The following ARPC5L variants were observed in gnomAD, a reference collection of about 807,000 sequenced individuals.
ARPC5L encodes the protein actin related protein 2/3 complex subunit 5 like.
In ARPC5L, 4 loss-of-function variants were observed where a neutral mutation model predicts 16.9. That is an observed-to-expected ratio of 0.24 (90% CI 0.12 to 0.54). ARPC5L has a LOEUF of 0.54. Ranked by LOEUF, ARPC5L falls within the 20% of genes least tolerant of loss-of-function variation. The pLI is 0.95. For synonymous variants in ARPC5L, 78 were observed against 82.6 expected (o/e 0.94, Z 0.30); for missense variants, 151 against 201.9 (o/e 0.75, Z 1.53).
chr9:124,875,013 C>T lies in ARPC5L; in HGVS notation c.261C>T (p.Asn87=). Residue 87 remains asparagine, a synonymous_variant, in exon 5 of 6, where the codon AAC becomes AAT. Coordinates refer to ENST00000353214, the MANE Select transcript of ARPC5L (RefSeq NM_030978.3). ...GCGTGGTGCTGAAAGTGCTCACAAA[C>T]TTCAAGAGCAGTGAGATTGAGCAGG... ...AQGVVLKVLT[N]FKSSEIEQAV... The T allele has an allele frequency of 1.2e-6, 2 of 1,614,016 alleles. No homozygotes were observed. The highest frequency in any genetic ancestry group is 1.7e-6 in the Non-Finnish European group (2 of 1,179,902).
intron 3 of ARPC5L, among the ~76,000 whole-genome samples, chr9:124,870,071 G>C (rs944202410): frequency 1.3e-5 from 2 of 152,206 alleles, no homozygotes; most frequent in Non-Finnish European, 2.9e-5. Context: ...GGGGGACCCT[G>C]TGGTTCCCCT....
intron 5 of ARPC5L, among the ~76,000 whole-genome samples, chr9:124,876,400 G>T (rs1004585233): frequency 5.9e-5 from 9 of 151,944 alleles, no homozygotes; most frequent in African/African-American, 9.7e-5. Context: ...GGCAGGAGAA[G>T]CGCTTGAACT....
At position 124,869,223 on chromosome 9, in the gene ARPC5L, G is replaced by T. The variant is rs1244887671; in HGVS notation, c.-68G>T. The T allele has an allele frequency of 1.4e-6, 2 of 1,380,326 alleles. No individual in the cohort carries two copies. The highest frequency in any genetic ancestry group is 9.4e-7 in the Non-Finnish European group (1 of 1,065,924). 85.5% of individuals were successfully genotyped at this position (1,380,326 alleles called of 1,614,324 possible). On this transcript the variant is annotated 5_prime_UTR_variant, in exon 3 of 6. Coordinates refer to ENST00000353214, the MANE Select transcript of ARPC5L (RefSeq NM_030978.3). ...GCTTCCCGCCCCCGAGCAGGAGCCG[G>T]TGCGAGCGGAGCAGAGCCGAGGTCG...
intron 3 of ARPC5L, among the ~76,000 whole-genome samples, chr9:124,869,718 T>A (rs1203119982): frequency 6.6e-6 from 1 of 152,184 alleles, no homozygotes; most frequent in Non-Finnish European, 1.5e-5. Flanking sequence ...CCCCCGCAGG[T>A]CCCGCGCCCT....
intron 2 of ARPC5L, among the ~76,000 whole-genome samples, chr9:124,866,358 T>C (rs1253858040): frequency 6.6e-6 from 1 of 152,030 alleles, no homozygotes; most frequent in Non-Finnish European, 1.5e-5. Context: ...GAGCTGAGAC[T>C]GTGCCACTGC....
chr9:124,876,969 A>G lies in ARPC5L; in HGVS notation c.*29A>G. 4 of 1,584,126 alleles carry G rather than the reference A, an allele frequency of 2.5e-6. No homozygotes were observed. The highest frequency in any genetic ancestry group is 3.4e-6 in the Non-Finnish European group (4 of 1,161,480). ...AAATAAAAAGACTCATGTTACCTTG[A>G]GAAGAATTCTGGATGCCCAGGCTGG... On this transcript the variant is annotated 3_prime_UTR_variant, in exon 6 of 6. Transcript: ENST00000353214.
At chr9:124,863,056 T>A (rs770177355) in intron 1 of ARPC5L, among the ~76,000 whole-genome samples, 21 of 152,106 alleles carry the variant, frequency 1.4e-4, no homozygotes, top group Admixed American at 3.9e-4. Flanking sequence ...GGTGGTCTCC[T>A]GGGCTCAAGC....
In ARPC5L at chr9:124,869,315, C is replaced by T. The variant is rs1476550595; in HGVS notation, c.25C>T (p.Arg9Cys). ...CATGGCCCGGAACACGCTGTCCTCG[C>T]GCTTCCGCCGGGTGGACATCGACGA... Reference protein sequence around the residue: MARNTLSSRFRRVDIDEFD... With the variant: MARNTLSSCFRRVDIDEFD... Residue 9 changes from arginine (R) to cysteine (C), a missense_variant, in exon 3 of 6, where the codon CGC (arginine) becomes TGC (cysteine). Transcript: ENST00000353214. 10 of 1,530,718 alleles carry T rather than the reference C, an allele frequency of 6.5e-6. No individual in the cohort carries two copies. Among genetic ancestry groups the T allele is most frequent in the Middle Eastern group, 2.0e-4 (1 of 4,940 alleles). The allele number at this position is 1,530,718 out of a possible 1,614,324, so 94.8% of individuals were successfully genotyped here.
intron 2 of ARPC5L, among the ~76,000 whole-genome samples, chr9:124,867,808 C>CTTTTTTTTT (rs57343594): frequency 8.1e-5 from 8 of 98,712 alleles, no homozygotes; most frequent in Admixed American, 2.1e-4. Flanking sequence ...CTTTTCTTTT[C>CTTTTTTTTT]TTTTTTTTTT....
rs1163909254 is a variant in ARPC5L, at chr9:124,869,191, G to GGCAGCCGCTTCCCGCCCCCGA, written c.-95_-75dup. The GGCAGCCGCTTCCCGCCCCCGA allele has an allele frequency of 7.0e-6, 9 of 1,291,754 alleles. No homozygotes were observed. Among genetic ancestry groups the GGCAGCCGCTTCCCGCCCCCGA allele is most frequent in the South Asian group, 3.9e-5 (2 of 51,770 alleles). The allele number at this position is 1,291,754 out of a possible 1,614,324, so 80.0% of individuals were successfully genotyped here. On this transcript the variant is annotated 5_prime_UTR_variant, in exon 3 of 6. Coordinates refer to ENST00000353214, the MANE Select transcript of ARPC5L (RefSeq NM_030978.3). ...GTGGAGGAGGTGCTGGGAGCAGCCGGGCAGCCGCTTCCCGCCCCCGAGCAG... is the reference window on the plus strand; with the variant it reads ...GTGGAGGAGGTGCTGGGAGCAGCCGGGCAGCCGCTTCCCGCCCCCGAGCAGCCGCTTCCCGCCCCCGAGCAG...
chr9:124,864,484 C>G (rs1032842990), intron 2 of ARPC5L, among the ~76,000 whole-genome samples: 1 of 152,186 alleles, frequency 6.6e-6, no homozygotes, highest in Non-Finnish European at 1.5e-5. Flanking sequence ...GCCTCAGCCT[C>G]CCGAGGAACT....
At chr9:124,876,482 G>A (rs944634553) in intron 5 of ARPC5L, among the ~76,000 whole-genome samples, 2 of 152,078 alleles carry the variant, frequency 1.3e-5, no homozygotes, top group Non-Finnish European at 2.9e-5. Flanking sequence ...GCGAAACTCC[G>A]TCTCAAAAAA....
Position 124,877,357 on chromosome 9 carries a change from CTT to C in ARPC5L, c.*418_*419del, listed in dbSNP as rs1461527554. On this transcript the variant is annotated 3_prime_UTR_variant, in exon 6 of 6. Transcript: ENST00000353214. ...TGTCTTCCCAGAGAAGGTGGACACT[CTT>C]GGGCTCATTGTAAAGTGCCTGCTGC... is the stretch of plus-strand genomic sequence containing the variant. 1 of 176,710 alleles carries C rather than the reference CTT, an allele frequency of 5.7e-6. No individual in the cohort carries two copies. The highest frequency in any genetic ancestry group is 1.2e-5 in the Non-Finnish European group (1 of 84,562). 10.9% of individuals were successfully genotyped at this position (176,710 alleles called of 1,614,324 possible). A position where few individuals can be genotyped will look rare whatever the true frequency, so the allele number is the denominator to read the frequency against.
intron 2 of ARPC5L, among the ~76,000 whole-genome samples, chr9:124,865,974 G>A (rs1287300913): frequency 6.6e-6 from 1 of 151,872 alleles, no homozygotes; most frequent in East Asian, 1.9e-4. Context: ...GCGTGGTGGT[G>A]TGCACCTGTA....
In ARPC5L at chr9:124,875,154, A is replaced by G. The variant is rs373331462; in HGVS notation, c.399+3A>G. 61 of 1,612,204 alleles carry G rather than the reference A, an allele frequency of 3.8e-5. No homozygotes were observed. The highest frequency in any genetic ancestry group is 3.4e-4 in the Middle Eastern group (2 of 5,968). ...TGTTACTCCAGTGGCACGAAAAGGT[A>G]TGTGAACGCTGCCACGCGCCCCAGT... On this transcript the variant is annotated splice_donor_region_variant and intron_variant, in intron 5 of 5. Coordinates refer to ENST00000353214, the MANE Select transcript of ARPC5L (RefSeq NM_030978.3).
chr9:124,869,077 G>A lies in ARPC5L; in HGVS notation c.-214G>A, dbSNP rs1174722844. 4.5e-5 allele frequency: 20 copies of A among 441,744 alleles called. No homozygotes were observed. Among genetic ancestry groups the A allele is most frequent in the Admixed American group, 2.3e-4 (5 of 21,862 alleles). 27.4% of individuals were successfully genotyped at this position (441,744 alleles called of 1,614,324 possible). A position where few individuals can be genotyped will look rare whatever the true frequency, so the allele number is the denominator to read the frequency against. On this transcript the variant is annotated 5_prime_UTR_variant, in exon 3 of 6. Coordinates refer to ENST00000353214, the MANE Select transcript of ARPC5L (RefSeq NM_030978.3). ...TGCGGTGATCCCATACCGCACTCCA[G>A]GTGCCAGGCTCCGCCCCGCCCCTGA...
intron 5 of ARPC5L, among the ~76,000 whole-genome samples, chr9:124,875,628 C>T (rs1408707733): frequency 1.3e-5 from 2 of 152,192 alleles, no homozygotes; most frequent in Non-Finnish European, 2.9e-5. Flanking sequence ...ACCTTGACCT[C>T]ACTTAATATG....
intron 4 of ARPC5L, 38 bp from the exon 5 acceptor site, chr9:124,874,937 C>T (rs780165306): frequency 3.2e-5 from 51 of 1,611,802 alleles, no homozygotes; most frequent in Middle Eastern, 2.1e-4. Flanking sequence ...GCGGTGCCTT[C>T]GCAGCTCTGG....
intron 2 of ARPC5L, among the ~76,000 whole-genome samples, chr9:124,867,156 T>C (rs1172018539): frequency 4.0e-5 from 6 of 151,336 alleles, no homozygotes; most frequent in Non-Finnish European, 7.4e-5. Context: ...TTTTTTTTTT[T>C]TTTGAGATGG....
Sources: allele counts gnomAD v4.1 joint callset (sites outside exome capture counted in the v4.1 genomes callset), GRCh38; gene constraint gnomAD v4.1.1; transcripts MANE v1.5; gene names NCBI Gene and HGNC (gene_info 2026-07-23, HGNC 2026-07-21).